HAVCR1: variants seen among roughly 807,000 people sequenced by gnomAD.
HAVCR1 encodes the protein hepatitis A virus cellular receptor 1, also known as T cell immunoglobin domain and mucin domain protein 1.
A neutral mutation model predicts 32.0 loss-of-function variants in HAVCR1; 34 were observed. That is an observed-to-expected ratio of 1.06 (90% CI 0.81 to 1.42). HAVCR1 has a LOEUF of 1.42. HAVCR1 is among the 40% of genes most tolerant of loss of function. HAVCR1 has a pLI of 0.00. For missense variants in HAVCR1, 420 were observed against 442.3 expected, an observed-to-expected ratio of 0.95 and a Z score of 0.45; for synonymous variants, 178 against 170.3, an observed-to-expected ratio of 1.05 and a Z score of -0.35.
chr5:157,065,056 G>C, the HAVCR1 span, among the ~76,000 whole-genome samples: 2 of 152,082 alleles, frequency 1.3e-5, no homozygotes, highest in Non-Finnish European at 2.9e-5. Context: ...GGCTGGGTGC[G>C]GTGGCTCACG....
At chr5:157,064,644 A>C in the HAVCR1 span, among the ~76,000 whole-genome samples, 1 of 152,206 alleles carries the variant, frequency 6.6e-6, no homozygotes, top group Non-Finnish European at 1.5e-5. Flanking sequence ...AGGCAGGTGG[A>C]TCACCTGAGG....
intron 4 of HAVCR1, among the ~76,000 whole-genome samples, chr5:157,052,097 G>A (rs1056439427): frequency 2.0e-5 from 3 of 152,288 alleles, no homozygotes; most frequent in Admixed American, 6.5e-5. Flanking sequence ...TTCTACATCC[G>A]TGGTCCAGCT....
At chr5:157,045,225 A>G (rs1007805348) in intron 5 of HAVCR1, among the ~76,000 whole-genome samples, 1 of 92,922 alleles carries the variant, frequency 1.1e-5, no homozygotes, top group Non-Finnish European at 2.3e-5. Context: ...CTCTCAAAAT[A>G]TCTTAGTATT....
chr5:157,034,072 TA>T (rs1754347854), intron 7 of HAVCR1, among the ~76,000 whole-genome samples: 1 of 151,884 alleles, frequency 6.6e-6, no homozygotes, highest in Non-Finnish European at 1.5e-5. Context: ...AGAAAAGAAA[TA>T]AGACACAGAG....
chr5:157,039,151 C>T (rs972900396), intron 6 of HAVCR1, among the ~76,000 whole-genome samples: 2 of 152,104 alleles, frequency 1.3e-5, no homozygotes, highest in African/African-American at 2.4e-5. Flanking sequence ...CTTTAACATC[C>T]AGAAATGAGC....
intron 5 of HAVCR1, among the ~76,000 whole-genome samples, chr5:157,044,998 C>T (rs1213552004): frequency 6.6e-6 from 1 of 151,818 alleles, no homozygotes; most frequent in African/African-American, 2.4e-5. Context: ...CAGTAGTGCC[C>T]CCTTATCCAC....
chr5:157,042,966 T>A (rs576843967), intron 5 of HAVCR1, among the ~76,000 whole-genome samples: 5 of 152,354 alleles, frequency 3.3e-5, no homozygotes, highest in African/African-American at 9.6e-5. Flanking sequence ...TTTTATCTAC[T>A]ATTTTAGGGT....
At chr5:157,048,079 G>T (rs1160714739) in intron 5 of HAVCR1, among the ~76,000 whole-genome samples, 1 of 152,168 alleles carries the variant, frequency 6.6e-6, no homozygotes, top group African/African-American at 2.4e-5. Context: ...AACCCAGTTT[G>T]GGAGTTTCCC....
intron 7 of HAVCR1, among the ~76,000 whole-genome samples, chr5:157,036,580 TG>T (rs1754547391): frequency 6.6e-6 from 1 of 152,246 alleles, no homozygotes; most frequent in African/African-American, 2.4e-5. Flanking sequence ...TCCACTAGAA[TG>T]TAACTTCCAT....
At chr5:157,044,075 T>A (rs1414508650) in intron 5 of HAVCR1, among the ~76,000 whole-genome samples, 1 of 152,086 alleles carries the variant, frequency 6.6e-6, no homozygotes, top group African/African-American at 2.4e-5. Flanking sequence ...CTCATGCCTG[T>A]AATCCCAGCA....
chr5:157,037,313 T>G lies in HAVCR1; in HGVS notation c.886A>C (p.Ile296Leu), dbSNP rs1484132543. 7 of 1,606,000 alleles carry G rather than the reference T, an allele frequency of 4.4e-6. No individual in the cohort carries two copies. In the Admixed American group the frequency reaches 1.2e-4, roughly 27 times the overall value. Residue 296 changes from isoleucine (I) to leucine (L), a missense_variant, in exon 7 of 9, where the codon ATC becomes CTC. Transcript: ENST00000523175. ...ACAGAAATACAGACTCCAGCATAGA[T>G]TCCTTTAGTGGTATTGGCCGTCAGT... ...SLLTANTTKG[I>L]YAGVCISVLV...
chr5:157,032,781 G>T, intron 8 of HAVCR1, 73 bp downstream of exon 8: 1 of 906,524 alleles, frequency 1.1e-6, no homozygotes, highest in Non-Finnish European at 1.8e-6. Flanking sequence ...GTTTAGGAGA[G>T]AGACAGAAAT....
At chr5:157,066,219 G>T in the HAVCR1 span, among the ~76,000 whole-genome samples, 4 of 152,090 alleles carry the variant, frequency 2.6e-5, no homozygotes, top group Non-Finnish European at 4.4e-5. Context: ...CAAAGGAAAG[G>T]AATAAGATTT....
At chr5:157,032,491 C>G (rs1754236528) in intron 8 of HAVCR1, among the ~76,000 whole-genome samples, 1 of 152,174 alleles carries the variant, frequency 6.6e-6, no homozygotes, top group Non-Finnish European at 1.5e-5. Flanking sequence ...GCACTCCAGC[C>G]AGGGCAGCAA....
rs541541567 is a variant in HAVCR1, at chr5:157,055,366, G to A, written c.214C>T (p.Arg72Trp). The part of the protein sequence containing the change: ...VWTNGTHVTY[R>W]KDTRYKLLGD... ...AATAGCTTATAGCGTGTGTCCTTCC[G>A]ATAGGTGACGTGGGTTCCATTGGTC... Residue 72 changes from arginine to tryptophan, a missense_variant, in exon 3 of 9, where the codon CGG becomes TGG. Transcript: ENST00000523175. 5.8e-5 allele frequency: 93 copies of A among 1,613,782 alleles called. No individual in the cohort carries two copies. Among genetic ancestry groups the A allele is most frequent in the Non-Finnish European group, 7.2e-5 (85 of 1,179,674 alleles).
intron 5 of HAVCR1, among the ~76,000 whole-genome samples, chr5:157,043,467 G>A (rs373700047): frequency 2.0e-5 from 3 of 152,310 alleles, no homozygotes; most frequent in African/African-American, 7.2e-5. Context: ...AGGAGTTCAA[G>A]ACCAGCCTGG....
upstream of HAVCR1, among the ~76,000 whole-genome samples, chr5:157,061,793 G>C (rs1161864511): frequency 6.6e-6 from 1 of 152,218 alleles, no homozygotes; most frequent in Admixed American, 6.5e-5. Context: ...CGGAATGTGG[G>C]GGGTGGGAAG....
At chr5:157,059,830 G>T (rs1040882392), upstream of HAVCR1, among the ~76,000 whole-genome samples, 2 of 150,562 alleles carry the variant, frequency 1.3e-5, no homozygotes, top group South Asian at 4.2e-4. Context: ...CAAAAAAAAC[G>T]AACAAAAAAT....
the HAVCR1 span, among the ~76,000 whole-genome samples, chr5:157,069,065 T>C: frequency 6.6e-6 from 1 of 152,240 alleles, no homozygotes; most frequent in Non-Finnish European, 1.5e-5. Context: ...CCTGAATAAA[T>C]ACGGCTTAAC....
Sources: gnomAD v4.1 joint callset for allele counts (sites outside exome capture counted in the v4.1 genomes callset) on GRCh38, gnomAD v4.1.1 for gene constraint, MANE v1.5 for transcripts, NCBI Gene and HGNC (gene_info 2026-07-23, HGNC 2026-07-21) for gene names.